Variants in RAB27B observed in about 807,000 individuals in gnomAD.
RAB27B encodes the protein RAB27B, member RAS oncogene family, also known as ras-related protein Rab-27B.
Under a neutral mutation model 24.6 loss-of-function variants are expected in RAB27B, and 15 were observed. That is an observed-to-expected ratio of 0.61 (90% CI 0.41 to 0.94). The LOEUF (loss-of-function observed/expected upper bound fraction) is 0.94, where lower values mean the gene tolerates loss of function less well. RAB27B is among the 40% of genes least tolerant of loss of function. RAB27B has a pLI of 0.00. For missense variants in RAB27B, 261 were observed against 266.8 expected (o/e 0.98, Z 0.15); for synonymous variants, 105 against 92.5 (o/e 1.14, Z -0.78).
chr18:54,870,981 A>C (rs1033576730), intron 1 of RAB27B, among the ~76,000 whole-genome samples: 2 of 152,216 alleles, frequency 1.3e-5, no homozygotes, highest in African/African-American at 4.8e-5. Context: ...TTCCACAATA[A>C]AAAGTGAAAG....
At chr18:54,765,500 A>G (rs1311957006) in intron 2 of RAB27B, among the ~76,000 whole-genome samples, 1 of 152,172 alleles carries the variant, frequency 6.6e-6, no homozygotes, top group Non-Finnish European at 1.5e-5. Context: ...TTTGATTTCT[A>G]TATGTCCTTC....
At chr18:54,797,582 A>G (rs1568069492) in intron 2 of RAB27B, among the ~76,000 whole-genome samples, 1 of 152,210 alleles carries the variant, frequency 6.6e-6, no homozygotes, top group Non-Finnish European at 1.5e-5. Flanking sequence ...AGTCTAGTCT[A>G]AAGAACAGCC....
At chr18:54,745,071 C>T in intron 2 of RAB27B, 1 of 173,866 alleles carries the variant, frequency 5.8e-6, no homozygotes, top group Non-Finnish European at 1.2e-5. Flanking sequence ...TGGAACCTTC[C>T]CGCACCAGAT....
At chr18:54,788,940 G>A (rs1909171209) in intron 2 of RAB27B, among the ~76,000 whole-genome samples, 1 of 152,178 alleles carries the variant, frequency 6.6e-6, no homozygotes, top group African/African-American at 2.4e-5. Flanking sequence ...GAATATGTGT[G>A]ATTTTCAGTG....
intron 2 of RAB27B, among the ~76,000 whole-genome samples, chr18:54,787,959 A>G (rs923566680): frequency 2.6e-5 from 4 of 152,218 alleles, no homozygotes; most frequent in African/African-American, 9.6e-5. Context: ...CTGAATCTAC[A>G]TGGTCCCTGG....
chr18:54,857,901 C>T (rs1911849433), intron 1 of RAB27B, among the ~76,000 whole-genome samples: 1 of 152,192 alleles, frequency 6.6e-6, no homozygotes, highest in Non-Finnish European at 1.5e-5. Flanking sequence ...AACCTATATA[C>T]CATGAGATAA....
intron 2 of RAB27B, among the ~76,000 whole-genome samples, chr18:54,822,566 T>A (rs2145169288): frequency 6.6e-6 from 1 of 152,348 alleles, no homozygotes; most frequent in East Asian, 1.9e-4. Context: ...TGCATATGAC[T>A]ATACTTATGT....
Position 54,892,154 on chromosome 18 carries a change from C to A in RAB27B, c.*2741C>A, listed in dbSNP as rs1432859328. Reference sequence around the variant, plus strand: ...CAAGATATGTCCTGTTACTAAGTATCTCCCAATGCTTTAGTAAAACGTATT... The same window carrying A: ...CAAGATATGTCCTGTTACTAAGTATATCCCAATGCTTTAGTAAAACGTATT... On this transcript the variant is annotated 3_prime_UTR_variant, in exon 6 of 6. Coordinates refer to ENST00000262094, the MANE Select transcript of RAB27B (RefSeq NM_004163.4). 2.0e-5 allele frequency: 3 copies of A among 152,078 alleles called. No homozygotes were observed. Among genetic ancestry groups the A allele is most frequent in the Non-Finnish European group, 4.4e-5 (3 of 67,992 alleles). The allele number at this position is 152,078 out of a possible 1,614,324, so 9.4% of individuals were successfully genotyped here. A position where few individuals can be genotyped will look rare whatever the true frequency, so the allele number is the denominator to read the frequency against.
chr18:54,873,506 CA>C (rs1490821144), intron 1 of RAB27B, among the ~76,000 whole-genome samples: 1 of 152,166 alleles, frequency 6.6e-6, no homozygotes, highest in African/African-American at 2.4e-5. Flanking sequence ...TTAAACTTGT[CA>C]GCCTTTTGAT....
chr18:54,824,814 T>A (rs1053751077), upstream of RAB27B, among the ~76,000 whole-genome samples: 1 of 152,020 alleles, frequency 6.6e-6, no homozygotes, highest in African/African-American at 2.4e-5. Flanking sequence ...CAATCTATCA[T>A]TTTCTTTCCA....
At chr18:54,728,986 T>A (rs1909642867) in intron 2 of RAB27B, among the ~76,000 whole-genome samples, 2 of 140,086 alleles carry the variant, frequency 1.4e-5, no homozygotes, top group Non-Finnish European at 3.1e-5. Flanking sequence ...AGTAGAAATC[T>A]TAAATATCTG....
chr18:54,832,592 A>G (rs929030852), intron 1 of RAB27B, among the ~76,000 whole-genome samples: 1 of 152,128 alleles, frequency 6.6e-6, no homozygotes, highest in East Asian at 1.9e-4. Context: ...TCACTGAGAG[A>G]GAGATTACAG....
intron 2 of RAB27B, among the ~76,000 whole-genome samples, chr18:54,756,233 G>C (rs1378974754): frequency 9.9e-5 from 15 of 152,174 alleles, no homozygotes; most frequent in Admixed American, 9.8e-4. Flanking sequence ...AAGTTTGCCT[G>C]TTCTGTACCA....
At chr18:54,871,761 A>G (rs1912474092) in intron 1 of RAB27B, among the ~76,000 whole-genome samples, 1 of 151,078 alleles carries the variant, frequency 6.6e-6, no homozygotes, top group East Asian at 1.9e-4. Flanking sequence ...GAGGCAGGAG[A>G]ATGGCATGAA....
rs760305464 is a variant in RAB27B, at chr18:54,877,564, C to T, written c.-19-3C>T. ...ACATACTTGTTTTCCCTCTCCTATA[C>T]AGACCGACCAAGACCATCACTATGA... On this transcript the variant is annotated splice_region_variant and splice_polypyrimidine_tract_variant and intron_variant, in intron 1 of 5. Coordinates refer to ENST00000262094, the MANE Select transcript of RAB27B (RefSeq NM_004163.4). 1.3e-6 allele frequency: 2 copies of T among 1,494,420 alleles called. No homozygotes were observed. 92.6% of individuals were successfully genotyped at this position (1,494,420 alleles called of 1,614,324 possible).
rs949116180 is a variant in RAB27B, at chr18:54,891,396, T to G, written c.*1983T>G. The G allele has an allele frequency of 6.6e-6, 1 of 151,108 alleles. No homozygotes were observed. The highest frequency in any genetic ancestry group is 2.5e-5 in the African/African-American group (1 of 40,454). The allele number at this position is 151,108 out of a possible 1,614,324, so 9.4% of individuals were successfully genotyped here. A position where few individuals can be genotyped will look rare whatever the true frequency, so the allele number is the denominator to read the frequency against. On this transcript the variant is annotated 3_prime_UTR_variant, in exon 6 of 6. Transcript: ENST00000262094. Reference sequence around the variant, plus strand: ...TGTGGCTGGGTATTCCCTCCCATGGTGTTTCCTCTGGGATGCTCTTCATTA... The same window carrying G: ...TGTGGCTGGGTATTCCCTCCCATGGGGTTTCCTCTGGGATGCTCTTCATTA...
chr18:54,791,914 C>T (rs917396643), intron 2 of RAB27B, among the ~76,000 whole-genome samples: 1 of 152,152 alleles, frequency 6.6e-6, no homozygotes, highest in Non-Finnish European at 1.5e-5. Context: ...GAGTAGGGGC[C>T]GCCAAGCTGC....
chr18:54,814,798 T>C (rs1483843645), intron 2 of RAB27B, among the ~76,000 whole-genome samples: 2 of 152,242 alleles, frequency 1.3e-5, no homozygotes, highest in Admixed American at 1.3e-4. Context: ...TTCAGTTACT[T>C]GAGTATATAT....
intron 2 of RAB27B, among the ~76,000 whole-genome samples, chr18:54,809,109 T>C (rs1909884284): frequency 6.6e-6 from 1 of 152,200 alleles, no homozygotes; most frequent in Non-Finnish European, 1.5e-5. Flanking sequence ...CAGTTTCTAG[T>C]AGAAAGTTGT....
Sources: allele counts gnomAD v4.1 joint callset (sites outside exome capture counted in the v4.1 genomes callset), GRCh38; gene constraint gnomAD v4.1.1; transcripts MANE v1.5; gene names NCBI Gene and HGNC (gene_info 2026-07-23, HGNC 2026-07-21).